Variants in NALCN observed in about 807,000 individuals in gnomAD.
The protein encoded by NALCN is sodium leak channel, non-selective, also known as sodium leak channel NALCN.
In NALCN, 111 loss-of-function variants were observed where a neutral mutation model predicts 225.3. That is an observed-to-expected ratio of 0.49 (90% CI 0.42 to 0.58). The LOEUF (loss-of-function observed/expected upper bound fraction) is 0.58. Ranked by LOEUF, NALCN falls within the 20% of genes least tolerant of loss-of-function variation. NALCN has a pLI of 0.00. For synonymous variants in NALCN, 764 were observed against 769.0 expected, an observed-to-expected ratio of 0.99 and a Z score of 0.11; for missense variants, 1,378 against 2,202.4, an observed-to-expected ratio of 0.63 and a Z score of 7.49.
At chr13:101,058,265 C>G in intron 42 of NALCN, 3 of 540,526 alleles carry the variant, frequency 5.6e-6, no homozygotes, top group Non-Finnish European at 9.8e-6. Flanking sequence ...GGAGACACCA[C>G]TCTTCCTGGG....
At chr13:101,331,754 ACCATACTAAATGCCCTGC>A (rs1305429066) in intron 7 of NALCN, among the ~76,000 whole-genome samples, 1 of 152,088 alleles carries the variant, frequency 6.6e-6, no homozygotes, top group Non-Finnish European at 1.5e-5. Flanking sequence ...TCTTCACCTT[ACCATACTAAATGCCCTGC>A]CCAGGGAAGA....
At chr13:101,330,650 C>T (rs1018228715) in intron 7 of NALCN, among the ~76,000 whole-genome samples, 1 of 152,172 alleles carries the variant, frequency 6.6e-6, no homozygotes, top group African/African-American at 2.4e-5. Flanking sequence ...ACCTCTCCTT[C>T]CCTGATATGG....
chr13:101,261,736 A>C (rs2042434122), intron 10 of NALCN, among the ~76,000 whole-genome samples: 1 of 152,210 alleles, frequency 6.6e-6, no homozygotes, highest in South Asian at 2.1e-4. Context: ...CAGTTCTTAT[A>C]GTTTCCTTGT....
chr13:101,414,686 T>A (rs894294885), intron 1 of NALCN, among the ~76,000 whole-genome samples: 11 of 152,218 alleles, frequency 7.2e-5, no homozygotes, highest in African/African-American at 1.4e-4. Context: ...GTACATTTTT[T>A]AAGTACATTT....
rs193141201 is a variant in NALCN, at chr13:101,248,473, T to C, written c.1266+9970A>G. On this transcript the variant is annotated intron_variant, in intron 11 of 43. Coordinates refer to ENST00000251127, the MANE Select transcript of NALCN (RefSeq NM_052867.4). ...AATTGATAGGTATCTTTGTTATTTATGGTGACCCTGGTAGTTTATGGCAAT... is the reference window on the plus strand; with the variant it reads ...AATTGATAGGTATCTTTGTTATTTACGGTGACCCTGGTAGTTTATGGCAAT... Among the ~76,000 whole-genome samples, 5 of 152,300 alleles carry C rather than the reference T, an allele frequency of 3.3e-5. No individual in the cohort carries two copies. The East Asian group carries it at 9.7e-4, about 29-fold the overall frequency.
At position 101,053,905 on chromosome 13, in the gene NALCN, A is replaced by T. The variant is rs564995618; in HGVS notation, c.*1390T>A. On this transcript the variant is annotated 3_prime_UTR_variant, in exon 44 of 44. Coordinates refer to ENST00000251127, the MANE Select transcript of NALCN (RefSeq NM_052867.4). ...CTTTATCTCATAGTTACAATGAATCATATAAACTGTAGACTGCCACTACCA... is the reference window on the plus strand; with the variant it reads ...CTTTATCTCATAGTTACAATGAATCTTATAAACTGTAGACTGCCACTACCA... The T allele has an allele frequency of 1.3e-5, 2 of 152,328 alleles. No individual in the cohort carries two copies. Among genetic ancestry groups the T allele is most frequent in the South Asian group, 4.1e-4 (2 of 4,824 alleles). The allele number at this position is 152,328 out of a possible 1,614,324, so 9.4% of individuals were successfully genotyped here.
At chr13:101,197,806 G>A (rs892189473) in intron 13 of NALCN, among the ~76,000 whole-genome samples, 2 of 152,164 alleles carry the variant, frequency 1.3e-5, no homozygotes, top group African/African-American at 4.8e-5. Context: ...AGTAGGCTCT[G>A]GAAGTGAACA....
At chr13:101,375,184 G>A (rs17584007) in intron 6 of NALCN, among the ~76,000 whole-genome samples, 32,914 of 151,864 alleles carry the variant, frequency 0.22, 3,691 homozygotes, top group Non-Finnish European at 0.24. Context: ...GCGTGTTTAC[G>A]TATCTCTTTA....
chr13:101,310,366 C>T (rs1224488374), intron 7 of NALCN, among the ~76,000 whole-genome samples: 1 of 152,138 alleles, frequency 6.6e-6, no homozygotes, highest in Non-Finnish European at 1.5e-5. Flanking sequence ...ACCTGTTGGC[C>T]TCCTCATATG....
chr13:101,275,064 T>C (rs1353659779), intron 10 of NALCN, among the ~76,000 whole-genome samples: 2 of 152,162 alleles, frequency 1.3e-5, no homozygotes, highest in Non-Finnish European at 2.9e-5. Context: ...GCAGACCTGC[T>C]CTTTCCTTCC....
chr13:101,197,963 T>C (rs1472026387), intron 13 of NALCN, among the ~76,000 whole-genome samples: 1 of 152,154 alleles, frequency 6.6e-6, no homozygotes, highest in Non-Finnish European at 1.5e-5. Flanking sequence ...ATAAACAGAC[T>C]GCAATGATTT....
chr13:101,302,488 T>C (rs550414512), intron 7 of NALCN, among the ~76,000 whole-genome samples: 30 of 152,266 alleles, frequency 2.0e-4, no homozygotes, highest in East Asian at 9.6e-4. Flanking sequence ...ACCTGAGTGA[T>C]AGGGACCAAA....
At chr13:101,208,216 G>A (rs933231974) in intron 13 of NALCN, among the ~76,000 whole-genome samples, 2 of 151,388 alleles carry the variant, frequency 1.3e-5, no homozygotes, top group Non-Finnish European at 2.9e-5. Context: ...AACTCCCGAC[G>A]GGAGGAACAA....
At chr13:101,220,152 A>T (rs1210056450) in intron 13 of NALCN, among the ~76,000 whole-genome samples, 1 of 152,212 alleles carries the variant, frequency 6.6e-6, no homozygotes, top group Non-Finnish European at 1.5e-5. Flanking sequence ...AGTCAAGATA[A>T]CATAGACAAT....
chr13:101,375,541 T>C (rs10508064), intron 6 of NALCN, among the ~76,000 whole-genome samples: 32,648 of 152,080 alleles, frequency 0.21, 3,651 homozygotes, highest in Non-Finnish European at 0.24. Flanking sequence ...TTAAACTCAA[T>C]GATCCTTATA....
intron 13 of NALCN, among the ~76,000 whole-genome samples, chr13:101,216,432 G>A (rs553798831): frequency 4.5e-4 from 68 of 152,238 alleles, no homozygotes; most frequent in African/African-American, 1.6e-3. Context: ...ACAGAGATCA[G>A]GAAGAGGCAC....
chr13:101,333,367 T>C (rs921984043), intron 7 of NALCN, among the ~76,000 whole-genome samples: 6 of 152,248 alleles, frequency 3.9e-5, no homozygotes, highest in African/African-American at 1.4e-4. Flanking sequence ...TAGCATGTTT[T>C]AGTATATTTA....
Position 101,103,113 on chromosome 13 carries a change from A to G in NALCN, c.3057+59T>C, listed in dbSNP as rs933894176. 29 of 1,561,634 alleles carry G rather than the reference A, an allele frequency of 1.9e-5. No homozygotes were observed. In the South Asian group the frequency reaches 3.5e-4, roughly 19 times the overall value. Reference sequence around the variant, plus strand: ...AATAAGCAAGACTCACTTTTCCCTCATTAGCTGCATTAGAGGTGGACTACT... The same window carrying G: ...AATAAGCAAGACTCACTTTTCCCTCGTTAGCTGCATTAGAGGTGGACTACT... On this transcript the variant is annotated intron_variant, in intron 26 of 43. Transcript: ENST00000251127.
chr13:101,346,085 C>A (rs71441507), intron 6 of NALCN, among the ~76,000 whole-genome samples: 2,768 of 79,858 alleles, frequency 0.035, 35 homozygotes, highest in East Asian at 0.08. Flanking sequence ...CTCTCTCTCT[C>A]TCTATATATA....
Sources: gnomAD v4.1 joint callset for allele counts (sites outside exome capture counted in the v4.1 genomes callset) on GRCh38, gnomAD v4.1.1 for gene constraint, MANE v1.5 for transcripts, NCBI Gene and HGNC (gene_info 2026-07-23, HGNC 2026-07-21) for gene names.